The following SNPH variants were observed in gnomAD, a reference collection of about 807,000 sequenced individuals.
SNPH encodes the protein syntaphilin.
In SNPH, 10 loss-of-function variants were observed where a neutral mutation model predicts 36.8. That is an observed-to-expected ratio of 0.27 (90% CI 0.17 to 0.46). SNPH has a LOEUF of 0.46. Ranked by LOEUF, SNPH falls within the 20% of genes least tolerant of loss-of-function variation. The pLI, the probability that SNPH is intolerant of heterozygous loss-of-function variation, is 1.00. For missense variants in SNPH, 622 were observed against 744.0 expected, an observed-to-expected ratio of 0.84 and a Z score of 1.91; for synonymous variants, 281 against 312.2, an observed-to-expected ratio of 0.90 and a Z score of 1.05.
intron 2 of SNPH, among the ~76,000 whole-genome samples, chr20:1,277,600 CTG>C (rs1384180647): frequency 2.0e-5 from 2 of 102,520 alleles, no homozygotes; most frequent in African/African-American, 3.8e-5. Flanking sequence ...GTGTCTGTCT[CTG>C]TGTGTGTCTG....
chr20:1,297,826 G>A (rs144853380), intron 5 of SNPH, among the ~76,000 whole-genome samples: 11 of 152,230 alleles, frequency 7.2e-5, no homozygotes, highest in Non-Finnish European at 1.2e-4. Context: ...TGGGGGTTCC[G>A]CTAGGAAGAA....
Position 1,285,829 on chromosome 20 carries a change from G to A in SNPH, c.-492-9122G>A, listed in dbSNP as rs1468602340. 2.0e-5 allele frequency among the ~76,000 whole-genome samples: 3 copies of A among 152,234 alleles called. No individual in the cohort carries two copies. The highest frequency in any genetic ancestry group is 4.4e-5 in the Non-Finnish European group (3 of 68,050). ...AGATAAAGGGTGGCCGGGTGCAGTGGCTCATGCCTGTAATCCCAGCACTTT... is the reference window on the plus strand; with the variant it reads ...AGATAAAGGGTGGCCGGGTGCAGTGACTCATGCCTGTAATCCCAGCACTTT... On this transcript the variant is annotated intron_variant, in intron 2 of 6. Transcript: ENST00000381867. This position sits in a 1 kb window ranked among gnomAD's most constrained non-coding sequence, Gnocchi z 4.9.
rs753370819 is a variant in SNPH, at chr20:1,306,260, G to A, written c.*206G>A. ...AAAGCTTCGATGGAGAGCAGGGAAGGGGGACCCAAGGCAGGAGGTACACCA... is the reference window on the plus strand; with the variant it reads ...AAAGCTTCGATGGAGAGCAGGGAAGAGGGACCCAAGGCAGGAGGTACACCA... On this transcript the variant is annotated 3_prime_UTR_variant, in exon 7 of 7. Coordinates refer to ENST00000381867, the MANE Select transcript of SNPH (RefSeq NM_001318234.2). 24 of 468,054 alleles carry A rather than the reference G, an allele frequency of 5.1e-5. No homozygotes were observed. The highest frequency in any genetic ancestry group is 8.6e-5 in the Admixed American group (2 of 23,328). The allele number at this position is 468,054 out of a possible 1,614,324, so 29.0% of individuals were successfully genotyped here. A position where few individuals can be genotyped will look rare whatever the true frequency, so the allele number is the denominator to read the frequency against.
At chr20:1,297,679 C>T (rs1415897532) in intron 5 of SNPH, among the ~76,000 whole-genome samples, 2 of 152,220 alleles carry the variant, frequency 1.3e-5, no homozygotes, top group African/African-American at 4.8e-5. Flanking sequence ...AAGCCCTTCT[C>T]AGAGATTGTT....
intron 5 of SNPH, 62 bp downstream of exon 5, chr20:1,297,314 G>A: frequency 6.6e-7 from 1 of 1,522,054 alleles, no homozygotes; most frequent in Non-Finnish European, 9.0e-7. Flanking sequence ...TCCTGGGGTG[G>A]GAGAGGTAAG....
At chr20:1,277,122 A>C (rs1163940241) in intron 2 of SNPH, among the ~76,000 whole-genome samples, 1 of 152,146 alleles carries the variant, frequency 6.6e-6, no homozygotes, top group Non-Finnish European at 1.5e-5. Context: ...ATGTGGCGAA[A>C]TGTTTAGGTT....
At position 1,307,423 on chromosome 20, in the gene SNPH, A is replaced by T. The variant is rs2088593503; in HGVS notation, c.*1369A>T. On this transcript the variant is annotated 3_prime_UTR_variant, in exon 7 of 7. Transcript: ENST00000381867. ...TGAGTCCCCCAGCCACGCTGCTGAC[A>T]TTACCATTATTATTTTACCAAGTAA... is the stretch of plus-strand genomic sequence containing the variant. The T allele has an allele frequency of 6.6e-6, 1 of 152,214 alleles. No individual in the cohort carries two copies. The allele number at this position is 152,214 out of a possible 1,614,324, so 9.4% of individuals were successfully genotyped here. A position where few individuals can be genotyped will look rare whatever the true frequency, so the allele number is the denominator to read the frequency against.
intron 4 of SNPH, among the ~76,000 whole-genome samples, chr20:1,296,686 C>T (rs543704657): frequency 1.7e-4 from 26 of 152,316 alleles, no homozygotes; most frequent in Admixed American, 1.0e-3. Context: ...ATTTTCACAA[C>T]GACTGGAGGG....
intron 2 of SNPH, among the ~76,000 whole-genome samples, chr20:1,274,745 G>C (rs568402446): frequency 2.3e-4 from 35 of 152,286 alleles, no homozygotes; most frequent in Non-Finnish European, 3.8e-4. Context: ...CTAGGCCATC[G>C]GTCTGGTGCC....
intron 2 of SNPH, among the ~76,000 whole-genome samples, chr20:1,277,499 G>T (rs1228507476): frequency 6.6e-6 from 1 of 150,694 alleles, no homozygotes; most frequent in African/African-American, 2.4e-5. Context: ...GTATCTGTAT[G>T]TGTGTCCGTG....
intron 3 of SNPH, among the ~76,000 whole-genome samples, chr20:1,295,232 C>G (rs547712935): frequency 3.3e-5 from 5 of 152,304 alleles, no homozygotes; most frequent in African/African-American, 1.2e-4. Context: ...GGGCTAATAC[C>G]CAGTATAGCC....
At chr20:1,267,855 C>T (rs1443917682) in intron 2 of SNPH, among the ~76,000 whole-genome samples, 1 of 152,206 alleles carries the variant, frequency 6.6e-6, no homozygotes, top group Admixed American at 6.5e-5. Flanking sequence ...AAGTGACTTC[C>T]CTTCCCCCAG....
At position 1,308,417 on chromosome 20, in the gene SNPH, A is replaced by C. The variant is rs2088610405; in HGVS notation, c.*2363A>C. 6.6e-6 allele frequency: 1 copy of C among 152,586 alleles called. No individual in the cohort carries two copies. Among genetic ancestry groups the C allele is most frequent in the African/African-American group, 2.4e-5 (1 of 41,420 alleles). 9.5% of individuals were successfully genotyped at this position (152,586 alleles called of 1,614,324 possible). On this transcript the variant is annotated 3_prime_UTR_variant, in exon 7 of 7. Transcript: ENST00000381867. Reference sequence around the variant, plus strand: ...TTGTCAGTGGAGGGAGCAGCTCCCCACTCAGCCCTGGGACAGGCCCTGGGA... The same window carrying C: ...TTGTCAGTGGAGGGAGCAGCTCCCCCCTCAGCCCTGGGACAGGCCCTGGGA...
chr20:1,283,246 A>G (rs572468951), intron 2 of SNPH, among the ~76,000 whole-genome samples: 11 of 152,320 alleles, frequency 7.2e-5, no homozygotes, highest in African/African-American at 2.6e-4. Context: ...GCCTCCTTGT[A>G]CATCCCAGTG....
chr20:1,306,017 C>G lies in SNPH; in HGVS notation c.1580C>G (p.Pro527Arg). ...RRISCRSLSQ[P>R]SPSPAGGGSQ... ...ATCAGCTGCCGCTCGCTGAGCCAGC[C>G]GAGTCCCAGCCCAGCGGGCGGCGGC... Residue 527 changes from proline to arginine, a missense_variant, in exon 7 of 7, where the codon CCG (proline) becomes CGG (arginine). This residue lies in a region of SNPH where 379 missense variants were observed against 427.9 expected (regional missense o/e 0.89). Coordinates refer to ENST00000381867, the MANE Select transcript of SNPH (RefSeq NM_001318234.2). The G allele has an allele frequency of 2.6e-6, 4 of 1,513,246 alleles. No homozygotes were observed. Among genetic ancestry groups the G allele is most frequent in the Non-Finnish European group, 3.5e-6 (4 of 1,131,162 alleles). 93.7% of individuals were successfully genotyped at this position (1,513,246 alleles called of 1,614,324 possible).
At chr20:1,279,783 G>A (rs1054498618) in intron 2 of SNPH, among the ~76,000 whole-genome samples, 7 of 152,154 alleles carry the variant, frequency 4.6e-5, no homozygotes, top group African/African-American at 1.7e-4. Flanking sequence ...AAGGTTTAGT[G>A]TCAGAGCCCA....
rs781039047 is a variant in SNPH, at chr20:1,294,987, C to T, written c.-465+9C>T. On this transcript the variant is annotated intron_variant, in intron 3 of 6. Transcript: ENST00000381867. This position sits in a 1 kb window ranked among gnomAD's most constrained non-coding sequence, Gnocchi z 4.4. ...GGAGTCAATGGCATAATGTACGTAG[C>T]GTGGTTGGCACGAGGTCTGGTGTGG... is the stretch of plus-strand genomic sequence containing the variant. The T allele has an allele frequency of 1.3e-5, 2 of 152,638 alleles. No homozygotes were observed. Among genetic ancestry groups the T allele is most frequent in the African/African-American group, 2.4e-5 (1 of 41,386 alleles). The allele number at this position is 152,638 out of a possible 1,614,324, so 9.5% of individuals were successfully genotyped here.
chr20:1,306,125 C>A lies in SNPH; in HGVS notation c.*71C>A. On this transcript the variant is annotated 3_prime_UTR_variant, in exon 7 of 7. Coordinates refer to ENST00000381867, the MANE Select transcript of SNPH (RefSeq NM_001318234.2). ...TAGGGATGCCGTTCCCCCCTCCCTT[C>A]TCCCATGGGCATCATCTTATTTATT... The A allele has an allele frequency of 8.4e-7, 1 of 1,186,338 alleles. No individual in the cohort carries two copies. The highest frequency in any genetic ancestry group is 1.1e-6 in the Non-Finnish European group (1 of 891,472). The allele number at this position is 1,186,338 out of a possible 1,614,324, so 73.5% of individuals were successfully genotyped here.
chr20:1,272,422 G>A (rs1040987577), intron 2 of SNPH, among the ~76,000 whole-genome samples: 3 of 152,210 alleles, frequency 2.0e-5, no homozygotes, highest in Admixed American at 6.5e-5. Context: ...ATTGGAAAGT[G>A]CTTGCTTGAA....
Sources: allele counts gnomAD v4.1 joint callset (sites outside exome capture counted in the v4.1 genomes callset), GRCh38; gene constraint gnomAD v4.1.1; regional missense constraint gnomAD v4.1.1; non-coding constraint Gnocchi (gnomAD v3.1); transcripts MANE v1.5; gene names NCBI Gene and HGNC (gene_info 2026-07-23, HGNC 2026-07-21).